Variants in GC observed in about 807,000 individuals in gnomAD.
GC encodes vitamin D-binding protein.
In GC, 43 loss-of-function variants were observed where a neutral mutation model predicts 56.7. The observed-to-expected ratio is 0.76, with a 90% CI of 0.59 to 0.98. GC has a LOEUF of 0.98. Ranked by LOEUF, GC falls within the 50% of genes least tolerant of loss-of-function variation. GC has a pLI of 0.00. For synonymous variants in GC, 216 were observed against 202.7 expected, an observed-to-expected ratio of 1.07 and a Z score of -0.56; for missense variants, 529 against 545.9, an observed-to-expected ratio of 0.97 and a Z score of 0.31.
At chr4:71,777,104 A>T (rs1742531463) in intron 1 of GC, among the ~76,000 whole-genome samples, 1 of 151,376 alleles carries the variant, frequency 6.6e-6, no homozygotes, top group African/African-American at 2.4e-5. Flanking sequence ...TTATATATTA[A>T]TTTTTAGTAT....
At chr4:71,791,157 T>C (rs1169840945) in intron 1 of GC, among the ~76,000 whole-genome samples, 1 of 152,148 alleles carries the variant, frequency 6.6e-6, no homozygotes, top group Non-Finnish European at 1.5e-5. Flanking sequence ...ATTTCCTACA[T>C]TTAAAAAGCT....
chr4:71,750,718 C>G (rs565987866), intron 11 of GC, among the ~76,000 whole-genome samples: 3 of 152,160 alleles, frequency 2.0e-5, no homozygotes, highest in South Asian at 4.2e-4. Flanking sequence ...AACCCTGTCT[C>G]TACCAAAAAT....
chr4:71,779,527 C>T (rs1742609588), intron 1 of GC, among the ~76,000 whole-genome samples: 1 of 151,500 alleles, frequency 6.6e-6, no homozygotes, highest in Admixed American at 6.6e-5. Flanking sequence ...AATGTGGAGG[C>T]CAGTGTGGTC....
At chr4:71,788,492 G>C (rs1742893654), upstream of GC, among the ~76,000 whole-genome samples, 1 of 151,318 alleles carries the variant, frequency 6.6e-6, no homozygotes, top group Non-Finnish European at 1.5e-5. Context: ...GGCTGTAGTA[G>C]TTTATGAGGT....
In GC at chr4:71,765,672, A is replaced by G. The variant is rs773440845; in HGVS notation, c.262-29T>C. On this transcript the variant is annotated intron_variant, in intron 3 of 12. Coordinates refer to ENST00000273951, the MANE Select transcript of GC (RefSeq NM_000583.4). ...GAGGAGAAGGAAAAAGGAAACTCAT[A>G]TATATATGTAAATTTCCAGGCTTTT... The G allele has an allele frequency of 8.2e-6, 11 of 1,344,348 alleles. No homozygotes were observed. In the South Asian group the frequency reaches 1.1e-4, roughly 13 times the overall value. The allele number at this position is 1,344,348 out of a possible 1,614,324, so 83.3% of individuals were successfully genotyped here. A position where few individuals can be genotyped will look rare whatever the true frequency, so the allele number is the denominator to read the frequency against.
chr4:71,756,986 G>T, intron 7 of GC, 72 bp from the exon 8 acceptor site: 1 of 1,004,696 alleles, frequency 1.0e-6, no homozygotes, highest in Non-Finnish European at 1.5e-6. Flanking sequence ...AATTACATAG[G>T]CTTACAAGCT....
chr4:71,762,688 C>T (rs1369683523), intron 6 of GC, among the ~76,000 whole-genome samples: 1 of 152,110 alleles, frequency 6.6e-6, no homozygotes, highest in Non-Finnish European at 1.5e-5. Flanking sequence ...GTGCTGTTCT[C>T]ATGATAGTGA....
intron 1 of GC, among the ~76,000 whole-genome samples, chr4:71,771,683 C>G (rs1742347077): frequency 6.6e-6 from 1 of 152,122 alleles, no homozygotes. Flanking sequence ...TTGCAACAAA[C>G]CTCTGTAATG....
At chr4:71,771,517 A>C (rs1356687163) in intron 1 of GC, among the ~76,000 whole-genome samples, 3 of 152,104 alleles carry the variant, frequency 2.0e-5, no homozygotes, top group African/African-American at 7.2e-5. Flanking sequence ...CTTCAGCAGC[A>C]CTTTTTAACA....
upstream of GC, chr4:71,784,184 G>A (rs1742774212): frequency 5.4e-6 from 7 of 1,305,940 alleles, no homozygotes; most frequent in Non-Finnish European, 5.9e-6. Flanking sequence ...CAGAAGCAAG[G>A]GGCTGTTATC....
At chr4:71,769,948 GC>G (rs1361996446) in intron 1 of GC, among the ~76,000 whole-genome samples, 1 of 152,158 alleles carries the variant, frequency 6.6e-6, no homozygotes. Context: ...CTGCTACTTG[GC>G]TCCTGGCTGT....
intron 1 of GC, among the ~76,000 whole-genome samples, chr4:71,793,021 T>C (rs1248112856): frequency 2.6e-5 from 4 of 152,144 alleles, no homozygotes; most frequent in South Asian, 2.1e-4. Flanking sequence ...ATGGTCTATA[T>C]CTCTGTTGGG....
At chr4:71,784,571 A>T (rs1380936420), upstream of GC, among the ~76,000 whole-genome samples, 1 of 151,846 alleles carries the variant, frequency 6.6e-6, no homozygotes, top group Non-Finnish European at 1.5e-5. Flanking sequence ...AGCCAATTCA[A>T]CATAATATTT....
intron 1 of GC, among the ~76,000 whole-genome samples, chr4:71,774,856 A>G (rs531651837): frequency 1.3e-5 from 2 of 151,558 alleles, no homozygotes; most frequent in East Asian, 1.9e-4. Flanking sequence ...TAAATAACAT[A>G]TAACTTTTTG....
intron 1 of GC, among the ~76,000 whole-genome samples, chr4:71,782,049 G>A (rs1312843661): frequency 6.6e-6 from 1 of 151,648 alleles, no homozygotes; most frequent in Non-Finnish European, 1.5e-5. Flanking sequence ...GGCATGAATT[G>A]TGAAACCACC....
rs139274112 is a variant in GC, at chr4:71,798,249, A to G, written c.21+5677T>C. ...TAATTCTTCCAACATATTATCTTTT[A>G]AAGTTTTCATTTTATTAATAAAAGC... On this transcript the variant is annotated intron_variant, in intron 1 of 13. Coordinates refer to the GC transcript ENST00000504199. 7.1e-3 allele frequency among the ~76,000 whole-genome samples: 1,081 copies of G among 152,266 alleles called. 14 individuals are homozygous for G. Among genetic ancestry groups the G allele is most frequent in the African/African-American group, 0.025 (1,037 of 41,546 alleles).
intron 11 of GC, among the ~76,000 whole-genome samples, chr4:71,752,242 A>G (rs902022573): frequency 3.3e-5 from 5 of 152,200 alleles, no homozygotes; most frequent in Admixed American, 2.6e-4. Context: ...AAAACACTAC[A>G]CATACTTTGT....
intron 1 of GC, among the ~76,000 whole-genome samples, chr4:71,793,266 C>T (rs1420079570): frequency 6.6e-6 from 1 of 152,094 alleles, no homozygotes; most frequent in East Asian, 1.9e-4. Context: ...TGGCCATTTT[C>T]ACAATATTGA....
At chr4:71,777,997 C>T (rs1742563235) in intron 1 of GC, among the ~76,000 whole-genome samples, 1 of 151,408 alleles carries the variant, frequency 6.6e-6, no homozygotes, top group African/African-American at 2.4e-5. Flanking sequence ...AACAAACCTG[C>T]AGGTTCTGCA....
Sources: gnomAD v4.1 joint callset for allele counts (sites outside exome capture counted in the v4.1 genomes callset) on GRCh38, gnomAD v4.1.1 for gene constraint, MANE v1.5 for transcripts, NCBI Gene and HGNC (gene_info 2026-07-23, HGNC 2026-07-21) for gene names.